The following CADPS variants were observed in gnomAD, a reference collection of about 807,000 sequenced individuals.
The protein encoded by CADPS is calcium-dependent secretion activator 1.
A neutral mutation model predicts 167.3 loss-of-function variants in CADPS; 57 were observed. The ratio of observed to expected loss-of-function variants is 0.34; its 90% CI spans 0.28 to 0.42. CADPS has a LOEUF of 0.42. Among genes scored for constraint, CADPS ranks in the 20% least tolerant of loss-of-function variants. CADPS has a pLI of 1.00. For synonymous variants in CADPS, 676 were observed against 635.3 expected (o/e 1.06, Z -0.96); for missense variants, 1,414 against 1,738.1 (o/e 0.81, Z 3.32).
At chr3:62,609,542 T>C (rs960886940) in intron 6 of CADPS, among the ~76,000 whole-genome samples, 2 of 152,188 alleles carry the variant, frequency 1.3e-5, no homozygotes, top group African/African-American at 4.8e-5. Context: ...ATGGCCTCAT[T>C]TGAGTCTTGG....
intron 27 of CADPS, chr3:62,439,644 A>G (rs890405082): frequency 6.6e-6 from 1 of 152,172 alleles, no homozygotes; most frequent in Non-Finnish European, 1.5e-5. Context: ...CTGTGCATCA[A>G]AGGGCATTCT....
chr3:62,874,415 G>C lies in CADPS; in HGVS notation c.441+174C>G, dbSNP rs2153226840. 6.6e-6 allele frequency among the ~76,000 whole-genome samples: 1 copy of C among 152,266 alleles called. No individual in the cohort carries two copies. The highest frequency in any genetic ancestry group is 2.4e-5 in the African/African-American group (1 of 41,594). On this transcript the variant is annotated intron_variant, in intron 1 of 29. Transcript: ENST00000383710. This position sits in a 1 kb window ranked among gnomAD's most constrained non-coding sequence, Gnocchi z 7.1. ...TCCAGGAGCGCTCCAGGCTGGGTTG[G>C]GCTGGGCCTGGGCGAGCCCGGCCGC...
chr3:62,814,119 A>G lies in CADPS; in HGVS notation c.442-48135T>C, dbSNP rs185405112. 1.2e-4 allele frequency among the ~76,000 whole-genome samples: 19 copies of G among 152,308 alleles called. No individual in the cohort carries two copies. In the East Asian group the frequency reaches 3.5e-3, roughly 28 times the overall value. On this transcript the variant is annotated intron_variant, in intron 1 of 29. Coordinates refer to ENST00000383710, the MANE Select transcript of CADPS (RefSeq NM_003716.4). ...CATAGGCCCTGAAATCTATTGGTAG[A>G]TGCTGAAAGTAAGCACTTGTAATAT...
rs1292881830 is a variant in CADPS, at chr3:62,514,773, T to C, written c.2581+1286A>G. ...CATCTCTGGACTTGCCTAGAATTGT[T>C]AGGTACCTGGCTGACTTTACCAAAT... On this transcript the variant is annotated intron_variant, in intron 16 of 29. Coordinates refer to ENST00000383710, the MANE Select transcript of CADPS (RefSeq NM_003716.4). This position sits in a 1 kb window ranked among gnomAD's most constrained non-coding sequence, Gnocchi z 4.2. Among the ~76,000 whole-genome samples, 3 of 152,136 alleles carry C rather than the reference T, an allele frequency of 2.0e-5. No homozygotes were observed. Among genetic ancestry groups the C allele is most frequent in the South Asian group, 4.1e-4 (2 of 4,828 alleles).
In CADPS at chr3:62,446,817, G is replaced by A. The variant is rs184000077; in HGVS notation, c.3637-1020C>T. 6.6e-6 allele frequency among the ~76,000 whole-genome samples: 1 copy of A among 152,266 alleles called. No individual in the cohort carries two copies. Among genetic ancestry groups the A allele is most frequent in the African/African-American group, 2.4e-5 (1 of 41,566 alleles). ...CACATGTTTCTCTAGGCACAATTAA[G>A]ACTAAGGAGCTACATTTGGGGTCAG... On this transcript the variant is annotated intron_variant, in intron 26 of 29. Coordinates refer to ENST00000383710, the MANE Select transcript of CADPS (RefSeq NM_003716.4). This position sits in a 1 kb window ranked among gnomAD's most constrained non-coding sequence, Gnocchi z 4.9.
At chr3:62,708,020 G>A (rs1287827503) in intron 3 of CADPS, among the ~76,000 whole-genome samples, 1 of 150,470 alleles carries the variant, frequency 6.6e-6, no homozygotes, top group Non-Finnish European at 1.5e-5. Context: ...CTGCCCCCTG[G>A]GCTCAAGTAA....
chr3:62,410,642 A>AACCT (rs1226623357), intron 28 of CADPS, among the ~76,000 whole-genome samples: 26 of 152,192 alleles, frequency 1.7e-4, no homozygotes, highest in Admixed American at 1.7e-3. Flanking sequence ...ATAATAATAA[A>AACCT]ACCTACTTAG....
At chr3:62,745,972 G>T (rs1419752469) in intron 3 of CADPS, among the ~76,000 whole-genome samples, 1 of 152,170 alleles carries the variant, frequency 6.6e-6, no homozygotes, top group Non-Finnish European at 1.5e-5. Context: ...TATAAACAGG[G>T]TATTGTTTCA....
chr3:62,690,893 T>C (rs1230400668), intron 3 of CADPS, among the ~76,000 whole-genome samples: 1 of 152,034 alleles, frequency 6.6e-6, no homozygotes, highest in Admixed American at 6.6e-5. Context: ...TCATAGCAGC[T>C]TTATTTGTAA....
At chr3:62,784,083 T>G (rs2092118667) in intron 1 of CADPS, among the ~76,000 whole-genome samples, 1 of 152,198 alleles carries the variant, frequency 6.6e-6, no homozygotes, top group Non-Finnish European at 1.5e-5. Context: ...ATGACGCTTA[T>G]CTTACCGGAA....
At chr3:62,537,015 G>A (rs2074815885) in intron 11 of CADPS, among the ~76,000 whole-genome samples, 1 of 151,986 alleles carries the variant, frequency 6.6e-6, no homozygotes, top group South Asian at 2.1e-4. Flanking sequence ...GGGATTATCT[G>A]GAAAAAGGGT....
In CADPS at chr3:62,433,807, TC is replaced by T. The variant is rs2054451503; in HGVS notation, c.3777+4296del. On this transcript the variant is annotated intron_variant, in intron 28 of 29. Transcript: ENST00000383710. The surrounding 1 kb of genome is among the most constrained non-coding windows in gnomAD (Gnocchi z 4.7). ...ATTAATTTTTGTTTAGACCTTGAAATCTTAGGTGCGTCTCTTGATGATCTGA... is the reference window on the plus strand; with the variant it reads ...ATTAATTTTTGTTTAGACCTTGAAATTTAGGTGCGTCTCTTGATGATCTGA... 6.6e-6 allele frequency among the ~76,000 whole-genome samples: 1 copy of T among 152,178 alleles called. No homozygotes were observed. The highest frequency in any genetic ancestry group is 2.4e-5 in the African/African-American group (1 of 41,452).
intron 6 of CADPS, among the ~76,000 whole-genome samples, chr3:62,600,956 A>G (rs2059872126): frequency 6.6e-6 from 1 of 152,120 alleles, no homozygotes. Context: ...CAGTCTCTTA[A>G]AAAAATAGAA....
At chr3:62,741,859 C>T (rs2080338642) in intron 3 of CADPS, among the ~76,000 whole-genome samples, 1 of 152,128 alleles carries the variant, frequency 6.6e-6, no homozygotes, top group South Asian at 2.1e-4. Flanking sequence ...TGACATGATC[C>T]TATATCTATA....
intron 6 of CADPS, among the ~76,000 whole-genome samples, chr3:62,594,667 G>A (rs1329078813): frequency 6.6e-6 from 1 of 152,156 alleles, no homozygotes. Context: ...TGAGTAGCTA[G>A]GAGTTAGATA....
chr3:62,732,996 T>G (rs2078226765), intron 3 of CADPS, among the ~76,000 whole-genome samples: 2 of 152,236 alleles, frequency 1.3e-5, no homozygotes, highest in African/African-American at 4.8e-5. Flanking sequence ...AGTCGATGGC[T>G]TTTCTCTTAT....
chr3:62,541,728 C>T (rs918070896), intron 11 of CADPS, among the ~76,000 whole-genome samples: 3 of 152,106 alleles, frequency 2.0e-5, no homozygotes, highest in African/African-American at 7.2e-5. Flanking sequence ...TAATTGACTA[C>T]TCTGTCATCT....
intron 17 of CADPS, among the ~76,000 whole-genome samples, chr3:62,503,444 C>T (rs569426102): frequency 1.3e-5 from 2 of 152,276 alleles, no homozygotes; most frequent in South Asian, 2.1e-4. Flanking sequence ...GCTCAAGATG[C>T]CTACACATGT....
intron 13 of CADPS, among the ~76,000 whole-genome samples, chr3:62,522,354 G>A (rs531825755): frequency 6.6e-6 from 1 of 152,188 alleles, no homozygotes; most frequent in East Asian, 1.9e-4. Flanking sequence ...GCCCAGGCTG[G>A]TCTCTAACTC....
Sources: gnomAD v4.1 joint callset for allele counts (sites outside exome capture counted in the v4.1 genomes callset) on GRCh38, gnomAD v4.1.1 for gene constraint, Gnocchi (gnomAD v3.1) non-coding constraint, MANE v1.5 for transcripts, NCBI Gene and HGNC (gene_info 2026-07-23, HGNC 2026-07-21) for gene names.